The following CNTN4 variants were observed in gnomAD, a reference collection of about 807,000 sequenced individuals.
CNTN4 encodes contactin 4, also known as contactin-4.
CNTN4 carries 77 observed loss-of-function variants against 122.5 expected under a neutral mutation model. That is an observed-to-expected ratio of 0.63 (90% CI 0.52 to 0.76). The LOEUF is 0.76. Among genes scored for constraint, CNTN4 ranks in the 30% least tolerant of loss-of-function variants. The pLI, the probability that CNTN4 is intolerant of heterozygous loss-of-function variation, is 0.00. For missense variants in CNTN4, 1,256 were observed against 1,259.1 expected, an observed-to-expected ratio of 1.00 and a Z score of 0.04; for synonymous variants, 512 against 447.0, an observed-to-expected ratio of 1.15 and a Z score of -1.83.
chr3:2,539,063 A>G (rs948717107), intron 3 of CNTN4, among the ~76,000 whole-genome samples: 3 of 152,044 alleles, frequency 2.0e-5, no homozygotes, highest in African/African-American at 7.2e-5. Context: ...GTGCTGTAGA[A>G]CCTATAACTA....
chr3:2,528,535 C>G (rs112010258), intron 3 of CNTN4, among the ~76,000 whole-genome samples: 2 of 151,980 alleles, frequency 1.3e-5, no homozygotes, highest in Non-Finnish European at 2.9e-5. Context: ...AAGGTGAAAC[C>G]GAAACTGATT....
At chr3:2,534,716 A>T (rs1236328498) in intron 3 of CNTN4, among the ~76,000 whole-genome samples, 2 of 150,202 alleles carry the variant, frequency 1.3e-5, no homozygotes, top group African/African-American at 2.5e-5. Flanking sequence ...TTAATTGCTT[A>T]CACTGTCTTC....
chr3:2,343,723 C>T (rs1400906663), intron 3 of CNTN4, among the ~76,000 whole-genome samples: 1 of 152,174 alleles, frequency 6.6e-6, no homozygotes. Context: ...AGAACCTGGA[C>T]AACTCATAGT....
intron 4 of CNTN4, among the ~76,000 whole-genome samples, chr3:2,595,814 G>T (rs900567477): frequency 1.3e-5 from 2 of 151,316 alleles, no homozygotes; most frequent in African/African-American, 4.9e-5. Context: ...CAGTAGATCT[G>T]CATGATCCCC....
chr3:2,392,725 C>G (rs572323539), intron 3 of CNTN4, among the ~76,000 whole-genome samples: 17 of 152,274 alleles, frequency 1.1e-4, no homozygotes, highest in African/African-American at 4.1e-4. Flanking sequence ...CAATAGAACA[C>G]AAAAGCTCAT....
intron 2 of CNTN4, among the ~76,000 whole-genome samples, chr3:2,315,307 T>G (rs921230275): frequency 6.6e-6 from 1 of 151,978 alleles, no homozygotes; most frequent in African/African-American, 2.4e-5. Flanking sequence ...TTTTTGCCAC[T>G]TGTATGAATT....
intron 3 of CNTN4, among the ~76,000 whole-genome samples, chr3:2,481,142 T>A (rs989977784): frequency 1.3e-5 from 2 of 150,990 alleles, no homozygotes; most frequent in African/African-American, 4.9e-5. Context: ...TTTCTCTCTT[T>A]CTTTCTTTGT....
chr3:3,010,719 G>A (rs1697146150), intron 14 of CNTN4, among the ~76,000 whole-genome samples: 1 of 152,230 alleles, frequency 6.6e-6, no homozygotes, highest in Non-Finnish European at 1.5e-5. Flanking sequence ...TAAGACCTAC[G>A]TCGTTCACCT....
intron 4 of CNTN4, among the ~76,000 whole-genome samples, chr3:2,668,519 A>G (rs892455286): frequency 1.3e-5 from 2 of 152,336 alleles, no homozygotes; most frequent in East Asian, 3.9e-4. Context: ...TTCTAGATAT[A>G]CAATCAGGTC....
chr3:2,397,492 GT>G lies in CNTN4; in HGVS notation c.-89+58270del, dbSNP rs112257925. The stretch of plus-strand genomic sequence containing the variant: ...AAGATTAGTCTCCTTTTAGGTGCAA[GT>G]TTTTTTTTTTAGCAGTTTCTGGATA... On this transcript the variant is annotated intron_variant, in intron 3 of 24. Transcript: ENST00000418658. 5.0e-3 allele frequency among the ~76,000 whole-genome samples: 730 copies of G among 146,920 alleles called. 3 individuals are homozygous for G. Among genetic ancestry groups the G allele is most frequent in the Middle Eastern group, 0.014 (4 of 288 alleles).
Position 3,012,449 on chromosome 3 carries a change from T to G in CNTN4, c.1487-13653T>G, listed in dbSNP as rs142624643. ...TGTTTGTTTGATCGGTTTGGTTTTT[T>G]GTTTTTGTTTTTGTTTTTGAGACAC... On this transcript the variant is annotated intron_variant, in intron 14 of 24. Coordinates refer to ENST00000418658, the MANE Select transcript of CNTN4 (RefSeq NM_175607.3). 2.6e-3 allele frequency among the ~76,000 whole-genome samples: 402 copies of G among 151,988 alleles called. 1 individual carries two copies. Among genetic ancestry groups the G allele is most frequent in the African/African-American group, 9.3e-3 (386 of 41,454 alleles).
intron 4 of CNTN4, among the ~76,000 whole-genome samples, chr3:2,611,313 G>GAAA (rs1370397110): frequency 2.6e-5 from 3 of 113,598 alleles, no homozygotes; most frequent in Non-Finnish European, 3.4e-5. Flanking sequence ...AAAAAAAAAA[G>GAAA]AAAGAAAGAA....
At chr3:2,928,714 C>T (rs2094494713) in intron 13 of CNTN4, among the ~76,000 whole-genome samples, 1 of 152,188 alleles carries the variant, frequency 6.6e-6, no homozygotes, top group Non-Finnish European at 1.5e-5. Flanking sequence ...TATTAATGTT[C>T]TGCCTAGATT....
chr3:2,826,688 A>T lies in CNTN4; in HGVS notation c.454+7107A>T, dbSNP rs543078821. 2.0e-5 allele frequency among the ~76,000 whole-genome samples: 3 copies of T among 152,304 alleles called. No homozygotes were observed. The East Asian group carries it at 5.8e-4, about 29-fold the overall frequency. ...AGATATCACCTTCAGAGTTAGACTC[A>T]CCCAGTTTCTTACTTAGTCCAAACT... is the stretch of plus-strand genomic sequence containing the variant. On this transcript the variant is annotated intron_variant, in intron 7 of 24. Coordinates refer to ENST00000418658, the MANE Select transcript of CNTN4 (RefSeq NM_175607.3).
At chr3:2,481,091 T>TTCTC (rs1431535766) in intron 3 of CNTN4, among the ~76,000 whole-genome samples, 1,796 of 99,220 alleles carry the variant, frequency 0.018, 30 homozygotes, top group African/African-American at 0.061. Flanking sequence ...CTTTCTCTCT[T>TTCTC]TCTTTCTTTC....
At chr3:2,936,488 G>C (rs1239011501) in intron 13 of CNTN4, among the ~76,000 whole-genome samples, 1 of 152,154 alleles carries the variant, frequency 6.6e-6, no homozygotes, top group Non-Finnish European at 1.5e-5. Context: ...ATTGACTTCA[G>C]GATAGACACT....
intron 4 of CNTN4, among the ~76,000 whole-genome samples, chr3:2,595,208 A>T (rs1046536892): frequency 6.6e-6 from 1 of 152,198 alleles, no homozygotes; most frequent in African/African-American, 2.4e-5. Context: ...AGTATTTCTG[A>T]TGCATCCTTT....
chr3:2,582,976 T>C (rs1259119879), intron 4 of CNTN4, among the ~76,000 whole-genome samples: 2 of 150,568 alleles, frequency 1.3e-5, no homozygotes, highest in Non-Finnish European at 2.9e-5. Context: ...ATTTAAAACG[T>C]ATGAATGCAG....
intron 2 of CNTN4, among the ~76,000 whole-genome samples, chr3:2,118,784 G>C (rs1168710018): frequency 6.6e-6 from 1 of 152,102 alleles, no homozygotes; most frequent in East Asian, 1.9e-4. Flanking sequence ...TTTATGTACG[G>C]GTCCGAATGC....
Sources: gnomAD v4.1 joint callset for allele counts (sites outside exome capture counted in the v4.1 genomes callset) on GRCh38, gnomAD v4.1.1 for gene constraint, MANE v1.5 for transcripts, NCBI Gene and HGNC (gene_info 2026-07-23, HGNC 2026-07-21) for gene names.